The following NELFA variants were observed in gnomAD, a reference collection of about 807,000 sequenced individuals.
The protein encoded by NELFA is negative elongation factor complex member A.
NELFA carries 35 observed loss-of-function variants against 51.8 expected under a neutral mutation model. That is an observed-to-expected ratio of 0.68 (90% confidence interval 0.52 to 0.90). The LOEUF (loss-of-function observed/expected upper bound fraction) is 0.90. NELFA is among the 40% of genes least tolerant of loss of function. The pLI, the probability that NELFA is intolerant of heterozygous loss-of-function variation, is 0.00. For synonymous variants in NELFA, 417 were observed against 338.4 expected (o/e 1.23, Z -2.55); for missense variants, 658 against 746.4 (o/e 0.88, Z 1.38).
intron 1 of NELFA, among the ~76,000 whole-genome samples, chr4:1,996,439 C>T (rs1728426078): frequency 2.0e-5 from 3 of 152,128 alleles, no homozygotes; most frequent in Admixed American, 2.0e-4. Context: ...GATTGGCATC[C>T]ATCTTTAAAA....
chr4:2,001,633 T>A (rs1193718017), intron 1 of NELFA, among the ~76,000 whole-genome samples: 1 of 152,212 alleles, frequency 6.6e-6, no homozygotes, highest in African/African-American at 2.4e-5. Flanking sequence ...CCGGGTGCAG[T>A]GGCTCACGCC....
intron 1 of NELFA, among the ~76,000 whole-genome samples, chr4:1,997,895 C>G (rs1400358810): frequency 6.6e-6 from 1 of 152,110 alleles, no homozygotes; most frequent in African/African-American, 2.4e-5. Context: ...CAGGTTGGTG[C>G]CCCTCGAGAT....
chr4:1,984,131 CCTGGTGAGGGGG>C lies in NELFA; in HGVS notation c.1037-30_1037-19del, dbSNP rs746118201. 7 of 1,527,872 alleles carry C rather than the reference CCTGGTGAGGGGG, an allele frequency of 4.6e-6. No individual in the cohort carries two copies. The highest frequency in any genetic ancestry group is 6.1e-6 in the Non-Finnish European group (7 of 1,144,792). The allele number at this position is 1,527,872 out of a possible 1,614,324, so 94.6% of individuals were successfully genotyped here. A position where few individuals can be genotyped will look rare whatever the true frequency, so the allele number is the denominator to read the frequency against. ...AGATGGGGCTGCAAGTAGACCGGGG[CCTGGTGAGGGGG>C]CTGGACCCCCACCCTGTTCCCAAAC... On this transcript the variant is annotated intron_variant, in intron 8 of 10. Coordinates refer to ENST00000382882, the MANE Select transcript of NELFA (RefSeq NM_005663.5).
At chr4:2,006,841 T>C (rs748239748) in intron 1 of NELFA, among the ~76,000 whole-genome samples, 21 of 151,102 alleles carry the variant, frequency 1.4e-4, no homozygotes, top group Admixed American at 3.3e-4. Flanking sequence ...TGGGAGATAT[T>C]TGTAACTGAA....
rs1177610107 is a variant in NELFA, at chr4:1,989,017, C to T, written c.544+691G>A. On this transcript the variant is annotated intron_variant, in intron 3 of 10. Coordinates refer to ENST00000382882, the MANE Select transcript of NELFA (RefSeq NM_005663.5). This position sits in a 1 kb window ranked among gnomAD's most constrained non-coding sequence, Gnocchi z 4.8. ...CTGGAGTGCAGTGGGGCAATCTTGGCTCACTGCAACCTCCGCCTCCCAGGT... is the reference window on the plus strand; with the variant it reads ...CTGGAGTGCAGTGGGGCAATCTTGGTTCACTGCAACCTCCGCCTCCCAGGT... Among the ~76,000 whole-genome samples the T allele has an allele frequency of 2.0e-5, 3 of 147,412 alleles. No homozygotes were observed. Among genetic ancestry groups the T allele is most frequent in the Non-Finnish European group, 4.4e-5 (3 of 67,444 alleles).
intron 4 of NELFA, 83 bp downstream of exon 4, chr4:1,987,835 C>A: frequency 8.3e-7 from 1 of 1,209,472 alleles, no homozygotes. Context: ...GGCACCACCT[C>A]CCCAACAGGG....
intron 1 of NELFA, among the ~76,000 whole-genome samples, chr4:1,999,703 C>T (rs1318320334): frequency 6.6e-6 from 1 of 152,188 alleles, no homozygotes; most frequent in Non-Finnish European, 1.5e-5. Flanking sequence ...GAGACTTTAA[C>T]ACCCCACTGT....
rs538083049 is a variant in NELFA at position 1,995,967 on chromosome 4, T to C, written c.211-4252A>G. 4.0e-5 allele frequency among the ~76,000 whole-genome samples: 6 copies of C among 151,580 alleles called. No individual in the cohort carries two copies. In the East Asian group the frequency reaches 5.8e-4, roughly 15 times the overall value. ...GAATTTGAGTCCAGCCCGGGCAACA[T>C]AGTAAGACCCCACACCTTTAAAACA... On this transcript the variant is annotated intron_variant, in intron 1 of 10. Coordinates refer to ENST00000382882, the MANE Select transcript of NELFA (RefSeq NM_005663.5).
rs1727940876 is a variant in NELFA, at chr4:1,983,074, A to C, written c.*245T>G. The stretch of plus-strand genomic sequence containing the variant: ...TGGTTAATTTACTTACTACATTCAA[A>C]AATGTAACGTTGAGTCCAAAAAGTG... On this transcript the variant is annotated 3_prime_UTR_variant, in exon 11 of 11. Transcript: ENST00000382882. 4 of 409,670 alleles carry C rather than the reference A, an allele frequency of 9.8e-6. No homozygotes were observed. Among genetic ancestry groups the C allele is most frequent in the Non-Finnish European group, 1.7e-5 (4 of 232,448 alleles). The allele number at this position is 409,670 out of a possible 1,614,324, so 25.4% of individuals were successfully genotyped here.
chr4:1,991,768 CA>C (rs779894718), intron 1 of NELFA, 53 bp from the exon 2 acceptor site: 16 of 1,528,874 alleles, frequency 1.0e-5, no homozygotes, highest in Non-Finnish European at 1.2e-5. Context: ...CTTCCAAGCC[CA>C]CTCCCTGCTG....
chr4:1,983,863 C>A lies in NELFA; in HGVS notation c.1287G>T (p.Lys429Asn). 6.3e-7 allele frequency: 1 copy of A among 1,576,652 alleles called. No homozygotes were observed. The highest frequency in any genetic ancestry group is 1.2e-5 in the South Asian group (1 of 84,814). Reference protein sequence around the residue: ...TQAPAQQQPKKNLSLTREQMF... With the variant: ...TQAPAQQQPKNNLSLTREQMF... Reference sequence around the variant, plus strand: ...GTACACCTACCGTGAGGGACAGGTTCTTCTTAGGCTGCTGCTGAGCAGGGG... The same window carrying A: ...GTACACCTACCGTGAGGGACAGGTTATTCTTAGGCTGCTGCTGAGCAGGGG... Residue 429 changes from lysine (K) to asparagine (N), a missense_variant, in exon 9 of 11, where the codon AAG (lysine) becomes AAT (asparagine). Transcript: ENST00000382882.
chr4:2,006,726 A>G (rs905179258), intron 1 of NELFA, among the ~76,000 whole-genome samples: 1 of 140,080 alleles, frequency 7.1e-6, no homozygotes, highest in Non-Finnish European at 1.5e-5. Flanking sequence ...CTATGATTAT[A>G]CCACTAGACT....
chr4:1,991,766 C>T (rs747448763), intron 1 of NELFA, 51 bp from the exon 2 acceptor site: 2 of 1,530,194 alleles, frequency 1.3e-6, no homozygotes, highest in Non-Finnish European at 8.8e-7. Flanking sequence ...CACTTCCAAG[C>T]CCACTCCCTG....
Position 1,983,877 on chromosome 4 carries a change from G to C in NELFA, c.1273C>G (p.Gln425Glu). 6.3e-7 allele frequency: 1 copy of C among 1,586,738 alleles called. No homozygotes were observed. The highest frequency in any genetic ancestry group is 8.6e-7 in the Non-Finnish European group (1 of 1,166,412). ...VAPQTQAPAQ[Q>E]QPKKNLSLTR... ...AGGGACAGGTTCTTCTTAGGCTGCT[G>C]CTGAGCAGGGGCCTGGGTCTGCGGG... Residue 425 changes from glutamine to glutamate, a missense_variant, in exon 9 of 11, where the codon CAG becomes GAG. By Grantham distance (29) the Gln-to-Glu change is conservative (BLOSUM62 2). Coordinates refer to ENST00000382882, the MANE Select transcript of NELFA (RefSeq NM_005663.5).
intron 1 of NELFA, chr4:2,003,723 G>A (rs1378445936): frequency 6.6e-6 from 1 of 152,102 alleles, no homozygotes; most frequent in East Asian, 1.9e-4. Context: ...CACACACCAG[G>A]GCCTAATAGG....
rs369468339 is a variant in NELFA at position 1,986,205 on chromosome 4, T to C, written c.766-22A>G. 6.4e-5 allele frequency: 100 copies of C among 1,560,506 alleles called. No individual in the cohort carries two copies. In the African/African-American group the frequency reaches 1.3e-3, roughly 21 times the overall value. On this transcript the variant is annotated intron_variant, in intron 5 of 10. Coordinates refer to ENST00000382882, the MANE Select transcript of NELFA (RefSeq NM_005663.5). ...GCAGCTGCCAAGACAAGCACAGCCC[T>C]GCCTTAGTGACGGCACCAGGGCGCA...
In NELFA at chr4:1,983,138, A is replaced by T. The variant is rs1243104593; in HGVS notation, c.*181T>A. 5.8e-6 allele frequency: 3 copies of T among 516,780 alleles called. No individual in the cohort carries two copies. Among genetic ancestry groups the T allele is most frequent in the African/African-American group, 1.9e-5 (1 of 51,344 alleles). The allele number at this position is 516,780 out of a possible 1,614,324, so 32.0% of individuals were successfully genotyped here. Reference sequence around the variant, plus strand: ...AAAAAAGAACCCATATTAAAATTTTAAAAATAAGCCCCAAATACCCCAGAG... The same window carrying T: ...AAAAAAGAACCCATATTAAAATTTTTAAAATAAGCCCCAAATACCCCAGAG... On this transcript the variant is annotated 3_prime_UTR_variant, in exon 11 of 11. Coordinates refer to ENST00000382882, the MANE Select transcript of NELFA (RefSeq NM_005663.5).
At chr4:1,990,585 C>T in intron 2 of NELFA, 1 of 447,268 alleles carries the variant, frequency 2.2e-6, no homozygotes, top group Non-Finnish European at 4.6e-6. Context: ...AGAGGTGCCA[C>T]TTGCAGGGGG....
chr4:2,001,335 T>C (rs1728561333), intron 1 of NELFA, among the ~76,000 whole-genome samples: 1 of 152,128 alleles, frequency 6.6e-6, no homozygotes. Flanking sequence ...AGTATTCAAA[T>C]AGGAAGAGAG....
Sources: allele counts gnomAD v4.1 joint callset (sites outside exome capture counted in the v4.1 genomes callset), GRCh38; gene constraint gnomAD v4.1.1; non-coding constraint Gnocchi (gnomAD v3.1); transcripts MANE v1.5; gene names NCBI Gene and HGNC (gene_info 2026-07-23, HGNC 2026-07-21).